Variants in CABIN1 observed in about 807,000 individuals in gnomAD.
The protein encoded by CABIN1 is calcineurin binding protein 1.
CABIN1 carries 133 observed loss-of-function variants against 227.7 expected under a neutral mutation model. The observed-to-expected ratio is 0.58, with a 90% CI of 0.51 to 0.67. CABIN1 has a LOEUF of 0.67. Among genes scored for constraint, CABIN1 ranks in the 30% least tolerant of loss-of-function variants. The pLI, the probability that CABIN1 is intolerant of heterozygous loss-of-function variation, is 0.00. For missense variants in CABIN1, 2,408 were observed against 2,852.5 expected (o/e 0.84, Z 3.55); for synonymous variants, 1,086 against 1,155.1 (o/e 0.94, Z 1.21).
intron 1 of CABIN1, among the ~76,000 whole-genome samples, chr22:24,021,005 A>AT (rs1021748842): frequency 2.1e-4 from 31 of 146,294 alleles, no homozygotes; most frequent in Non-Finnish European, 2.1e-4. Flanking sequence ...CTTTAAAAAA[A>AT]TTTTTTTTTT....
At chr22:24,165,718 C>A (rs1378233107) in intron 31 of CABIN1, 92 bp downstream of exon 31, 2 of 1,021,638 alleles carry the variant, frequency 2.0e-6, no homozygotes, top group East Asian at 2.5e-5. Flanking sequence ...TATTTGCATA[C>A]CCTTAGGCAG....
chr22:24,096,648 G>T (rs1235430802), intron 25 of CABIN1, among the ~76,000 whole-genome samples: 1 of 152,194 alleles, frequency 6.6e-6, no homozygotes, highest in Non-Finnish European at 1.5e-5. Context: ...CCAGGCCCAG[G>T]TCCTGGTGCC....
chr22:24,065,413 C>A (rs1382795095), intron 15 of CABIN1, among the ~76,000 whole-genome samples: 1 of 150,644 alleles, frequency 6.6e-6, no homozygotes, highest in Non-Finnish European at 1.5e-5. Context: ...GATGGGGCGG[C>A]GGGGCAGAGG....
chr22:24,067,275 A>T, intron 16 of CABIN1, 94 bp downstream of exon 16: 4 of 1,282,918 alleles, frequency 3.1e-6, no homozygotes, highest in Non-Finnish European at 4.5e-6. Context: ...GTTCTTAAGA[A>T]TGTATAGCTA....
Position 24,036,136 on chromosome 22 carries a change from T to C in CABIN1, c.51T>C (p.His17=), listed in dbSNP as rs769213107. 12 of 1,613,530 alleles carry C rather than the reference T, an allele frequency of 7.4e-6. No homozygotes were observed. The highest frequency in any genetic ancestry group is 4.5e-5 in the East Asian group (2 of 44,880). The change falls in exon 3 of 37, where the codon CAT becomes CAC. Residue 17 remains histidine (H), a synonymous_variant. Transcript: ENST00000263119. ...LNASSTIEDD[H]EGSFKSHKTQ... ...CCAGCTCCACCATTGAGGATGATCA[T>C]GAAGGAAGCTTTAAAAGTCACAAAA... is the stretch of plus-strand genomic sequence containing the variant.
chr22:24,023,139 A>C (rs1569079321), intron 1 of CABIN1, among the ~76,000 whole-genome samples: 1 of 152,214 alleles, frequency 6.6e-6, no homozygotes, highest in African/African-American at 2.4e-5. Flanking sequence ...TTGTATATCA[A>C]ACAATATTTG....
At chr22:24,071,172 T>A in intron 17 of CABIN1, 130 bp downstream of exon 17, 1 of 1,328,032 alleles carries the variant, frequency 7.5e-7, no homozygotes, top group Non-Finnish European at 1.1e-6. Flanking sequence ...CTTCTTTGGT[T>A]GGAACTTTCG....
intron 1 of CABIN1, among the ~76,000 whole-genome samples, chr22:24,015,622 G>T (rs2035219961): frequency 6.6e-6 from 1 of 151,798 alleles, no homozygotes; most frequent in Admixed American, 6.5e-5. Context: ...AGGATTACAG[G>T]CATGAGCCAC....
chr22:24,077,838 G>A (rs1352830847), intron 19 of CABIN1, among the ~76,000 whole-genome samples: 5 of 152,218 alleles, frequency 3.3e-5, no homozygotes, highest in African/African-American at 1.2e-4. Context: ...GGGGTGGGCT[G>A]AAGGGGCAAC....
intron 28 of CABIN1, among the ~76,000 whole-genome samples, chr22:24,120,641 C>T (rs976641339): frequency 1.3e-5 from 2 of 151,868 alleles, no homozygotes; most frequent in Non-Finnish European, 2.9e-5. Context: ...GGTGAATCCC[C>T]GTCTCTACTA....
In CABIN1 at chr22:24,114,412, G is replaced by A. The variant is rs180756427; in HGVS notation, c.4300+664G>A. Among the ~76,000 whole-genome samples, 231 of 152,060 alleles carry A rather than the reference G, an allele frequency of 1.5e-3. 1 individual carries two copies. Among genetic ancestry groups the A allele is most frequent in the African/African-American group, 5.2e-3 (217 of 41,472 alleles). On this transcript the variant is annotated intron_variant, in intron 27 of 36. Transcript: ENST00000263119. Reference sequence around the variant, plus strand: ...CTCTGGCCAGGGCCAGGGCTTACACGTGTTCCTCAAACAGTAATAACAACA... The same window carrying A: ...CTCTGGCCAGGGCCAGGGCTTACACATGTTCCTCAAACAGTAATAACAACA...
intron 24 of CABIN1, among the ~76,000 whole-genome samples, chr22:24,092,262 G>T (rs188025090): frequency 8.3e-4 from 127 of 152,270 alleles, no homozygotes; most frequent in African/African-American, 2.4e-3. Flanking sequence ...AGGCTACCCA[G>T]GTTGGCAGGG....
chr22:24,020,129 G>A (rs1237596615), intron 1 of CABIN1, among the ~76,000 whole-genome samples: 1 of 152,050 alleles, frequency 6.6e-6, no homozygotes, highest in African/African-American at 2.4e-5. Context: ...TAAGATTTTG[G>A]CTTTAGGACT....
chr22:24,059,898 T>A, intron 11 of CABIN1, 26 bp from the exon 12 acceptor site: 1 of 1,602,974 alleles, frequency 6.2e-7, no homozygotes, highest in Non-Finnish European at 8.5e-7. Flanking sequence ...TTTATTCAAG[T>A]CAGGTTGTTC....
chr22:24,038,764 T>C (rs2037125735), intron 4 of CABIN1, among the ~76,000 whole-genome samples: 1 of 152,220 alleles, frequency 6.6e-6, no homozygotes, highest in South Asian at 2.1e-4. Flanking sequence ...TTTACAAATG[T>C]GGAAACTGAG....
At chr22:24,013,114 G>T (rs2034957106) in intron 1 of CABIN1, among the ~76,000 whole-genome samples, 1 of 150,528 alleles carries the variant, frequency 6.6e-6, no homozygotes. Flanking sequence ...TTGGATTTAT[G>T]GTGAACAATA....
Position 24,043,020 on chromosome 22 carries a change from T to C in CABIN1, c.462T>C (p.Asn154=), listed in dbSNP as rs911071019. ...CTTTTGAGGAAGGGCTGCGGTGCAA[T>C]CCTGACCACTGGCCCTGTTTGGATA... The part of the protein sequence containing the change: ...RHAFEEGLRC[N]PDHWPCLDNL... The change falls in exon 6 of 37, where the codon AAT becomes AAC. Residue 154 remains asparagine, a synonymous_variant. Coordinates refer to ENST00000263119, the MANE Select transcript of CABIN1 (RefSeq NM_012295.4). 7.4e-6 allele frequency: 12 copies of C among 1,613,830 alleles called. No homozygotes were observed. The highest frequency in any genetic ancestry group is 1.0e-5 in the Non-Finnish European group (12 of 1,179,986).
At chr22:24,056,943 C>CT (rs796302054) in intron 10 of CABIN1, among the ~76,000 whole-genome samples, 7,999 of 146,394 alleles carry the variant, frequency 0.055, 654 homozygotes, top group African/African-American at 0.18. Context: ...GTCCTTCTGC[C>CT]TTTTTTTTTT....
chr22:24,171,777 T>A lies in CABIN1; in HGVS notation c.5822T>A (p.Val1941Glu), dbSNP rs149717310. 2.1e-5 allele frequency: 34 copies of A among 1,614,176 alleles called. No homozygotes were observed. The African/African-American group carries it at 3.2e-4, about 15-fold the overall frequency. The change falls in exon 34 of 37, where the codon GTG becomes GAG. Residue 1941 changes from valine (V) to glutamate (E), a missense_variant. Around this residue, in one of 3 missense-constraint regions of CABIN1, gnomAD observed 714 missense variants for 773.8 expected, o/e 0.92. Coordinates refer to ENST00000263119, the MANE Select transcript of CABIN1 (RefSeq NM_012295.4). ...PKDSRENFFP[V>E]TVVPTAPDPV... ...GACAGCCGAGAGAACTTCTTTCCTG[T>A]GACAGTGGTGCCCACAGCCCCTGAC... is the stretch of plus-strand genomic sequence containing the variant.
Sources: allele counts gnomAD v4.1 joint callset (sites outside exome capture counted in the v4.1 genomes callset), GRCh38; gene constraint gnomAD v4.1.1; regional missense constraint gnomAD v4.1.1; transcripts MANE v1.5; gene names NCBI Gene and HGNC (gene_info 2026-07-23, HGNC 2026-07-21).